Variants in NEMP2 observed in about 807,000 individuals in gnomAD.
NEMP2 encodes nuclear envelope integral membrane protein 2, also known as UPF0571 transmembrane protein.
A neutral mutation model predicts 54.2 loss-of-function variants in NEMP2; 53 were observed. The observed-to-expected ratio is 0.98, with a 90% CI of 0.78 to 1.23. The LOEUF is 1.23. Ranked by LOEUF, NEMP2 falls within the 50% of genes most tolerant of loss-of-function variation. The probability of loss-of-function intolerance (pLI) is 0.00; values close to 1 mark genes in which losing one functional copy is unlikely to be tolerated. For synonymous variants in NEMP2, 197 were observed against 190.3 expected (o/e 1.04, Z -0.29); for missense variants, 455 against 511.3 (o/e 0.89, Z 1.06).
the NEMP2 span, among the ~76,000 whole-genome samples, chr2:190,633,675 A>G: frequency 6.6e-6 from 1 of 152,128 alleles, no homozygotes; most frequent in Admixed American, 6.6e-5. Flanking sequence ...AATAGTATGT[A>G]CTCAGCAAAT....
At chr2:190,435,262 A>G in the NEMP2 span, 16 of 152,346 alleles carry the variant, frequency 1.1e-4, no homozygotes, top group African/African-American at 3.8e-4. Context: ...TAATAGGGCT[A>G]TTGTGATGAA....
the NEMP2 span, among the ~76,000 whole-genome samples, chr2:190,441,667 C>G: frequency 6.6e-6 from 1 of 152,092 alleles, no homozygotes; most frequent in African/African-American, 2.4e-5. Flanking sequence ...ACAGTCCTCT[C>G]TCTCTGTAGC....
At chr2:190,606,702 G>A in the NEMP2 span, among the ~76,000 whole-genome samples, 84,350 of 151,972 alleles carry the variant, frequency 0.56, 24,108 homozygotes, top group East Asian at 0.7. Context: ...ACAGTGAGAC[G>A]CTGACTCAAA....
chr2:190,510,683 G>A lies in NEMP2; in HGVS notation c.954-146C>T, dbSNP rs376233640. The A allele has an allele frequency of 8.3e-6, 6 of 719,396 alleles. No individual in the cohort carries two copies. The highest frequency in any genetic ancestry group is 5.5e-5 in the South Asian group (3 of 54,302). The allele number at this position is 719,396 out of a possible 1,614,324, so 44.6% of individuals were successfully genotyped here. ...GATCACGAGGTCAGGAGATTGAGAC[G>A]GTCCTGGCTAACAAGGTGAAACACT... On this transcript the variant is annotated intron_variant, in intron 7 of 8. Transcript: ENST00000409150. The surrounding 1 kb of genome is among the most constrained non-coding windows in gnomAD (Gnocchi z 5.7).
the NEMP2 span, among the ~76,000 whole-genome samples, chr2:190,483,049 G>A: frequency 1.6e-3 from 241 of 150,478 alleles, no homozygotes; most frequent in Middle Eastern, 3.4e-3. Flanking sequence ...CTGCCACCGC[G>A]CCCGGCTAAT....
At chr2:190,570,318 T>A in the NEMP2 span, among the ~76,000 whole-genome samples, 1 of 152,216 alleles carries the variant, frequency 6.6e-6, no homozygotes, top group African/African-American at 2.4e-5. This position sits in a 1 kb window ranked among gnomAD's most constrained non-coding sequence, Gnocchi z 5.4. Flanking sequence ...AACATTAGGT[T>A]TATGAATGAG....
At chr2:190,572,390 G>A in the NEMP2 span, among the ~76,000 whole-genome samples, 1 of 152,160 alleles carries the variant, frequency 6.6e-6, no homozygotes, top group Admixed American at 6.5e-5. Flanking sequence ...GCCTCAACAA[G>A]TTTTTTTCTG....
At chr2:190,436,747 T>C in the NEMP2 span, 7 of 1,614,070 alleles carry the variant, frequency 4.3e-6, no homozygotes, top group African/African-American at 1.3e-5. This position sits in a 1 kb window ranked among gnomAD's most constrained non-coding sequence, Gnocchi z 5.3. Flanking sequence ...TATGATGGAC[T>C]TGACTTTGAA....
At chr2:190,442,553 AC>A in the NEMP2 span, 13 of 152,064 alleles carry the variant, frequency 8.5e-5, no homozygotes, top group Admixed American at 2.0e-4. Context: ...CAAGTAAGAG[AC>A]GGTACAGGCC....
the NEMP2 span, among the ~76,000 whole-genome samples, chr2:190,476,789 G>C: frequency 2.0e-5 from 3 of 152,038 alleles, no homozygotes; most frequent in Non-Finnish European, 2.9e-5. Context: ...CAATAGCAAA[G>C]ACTTGGAACC....
chr2:190,503,005 A>T (rs1690088284), downstream of NEMP2, among the ~76,000 whole-genome samples: 1 of 152,196 alleles, frequency 6.6e-6, no homozygotes, highest in Non-Finnish European at 1.5e-5. This position sits in a 1 kb window ranked among gnomAD's most constrained non-coding sequence, Gnocchi z 6.3. Context: ...CAGGGAGGCC[A>T]TTCCCTGCAT....
Position 190,510,251 on chromosome 2 carries a change from AT to A in NEMP2, c.1130+109del. 3.8e-6 allele frequency: 5 copies of A among 1,302,084 alleles called. No individual in the cohort carries two copies. Among genetic ancestry groups the A allele is most frequent in the Non-Finnish European group, 5.2e-6 (5 of 954,414 alleles). The allele number at this position is 1,302,084 out of a possible 1,614,324, so 80.7% of individuals were successfully genotyped here. On this transcript the variant is annotated intron_variant, in intron 8 of 8. Coordinates refer to ENST00000409150, the MANE Select transcript of NEMP2 (RefSeq NM_001142645.2). This position sits in a 1 kb window ranked among gnomAD's most constrained non-coding sequence, Gnocchi z 5.7. ...TCTGACAACTTCCACATCATCTGTT[AT>A]CCAGGGAAACAGTCTATTTCTACCC... is the stretch of plus-strand genomic sequence containing the variant.
At chr2:190,461,538 GT>G in the NEMP2 span, among the ~76,000 whole-genome samples, 2 of 152,146 alleles carry the variant, frequency 1.3e-5, no homozygotes, top group Admixed American at 1.3e-4. The surrounding 1 kb of genome is among the most constrained non-coding windows in gnomAD (Gnocchi z 5.5). Flanking sequence ...ATGCCAAACA[GT>G]TCTGGAGGCT....
the NEMP2 span, among the ~76,000 whole-genome samples, chr2:190,557,331 G>C: frequency 6.6e-6 from 1 of 152,074 alleles, no homozygotes; most frequent in Non-Finnish European, 1.5e-5. Flanking sequence ...AATACAAGAT[G>C]GATTAAAGAC....
intron 1 of NEMP2, 44 bp downstream of exon 1, chr2:190,534,515 A>G (rs1320837907): frequency 3.7e-6 from 5 of 1,360,592 alleles, no homozygotes; most frequent in East Asian, 3.1e-5. Flanking sequence ...GAAGCCGGGG[A>G]GCGAGCACGC....
the NEMP2 span, among the ~76,000 whole-genome samples, chr2:190,491,288 A>G: frequency 2.0e-5 from 3 of 152,178 alleles, no homozygotes; most frequent in African/African-American, 7.2e-5. The surrounding 1 kb of genome is among the most constrained non-coding windows in gnomAD (Gnocchi z 4.2). Flanking sequence ...TGCAGCTCAC[A>G]CTCAGGTGGA....
At chr2:190,460,142 T>G in the NEMP2 span, among the ~76,000 whole-genome samples, 2 of 152,252 alleles carry the variant, frequency 1.3e-5, no homozygotes, top group Non-Finnish European at 2.9e-5. Flanking sequence ...GAGCATGTGC[T>G]GAAGTTCCAT....
chr2:190,594,386 A>G, the NEMP2 span, among the ~76,000 whole-genome samples: 4 of 152,122 alleles, frequency 2.6e-5, no homozygotes, highest in African/African-American at 9.7e-5. This position sits in a 1 kb window ranked among gnomAD's most constrained non-coding sequence, Gnocchi z 5.6. Flanking sequence ...TTACATGTCT[A>G]TAGTATAGAA....
intron 2 of NEMP2, among the ~76,000 whole-genome samples, chr2:190,524,917 T>C (rs1292511993): frequency 6.6e-6 from 1 of 152,266 alleles, no homozygotes; most frequent in African/African-American, 2.4e-5. Flanking sequence ...TAAGTGGTTA[T>C]TCCAGAATTT....
Sources: allele counts gnomAD v4.1 joint callset (sites outside exome capture counted in the v4.1 genomes callset), GRCh38; gene constraint gnomAD v4.1.1; non-coding constraint Gnocchi (gnomAD v3.1); transcripts MANE v1.5; gene names NCBI Gene and HGNC (gene_info 2026-07-23, HGNC 2026-07-21).